Variants in BICD2 observed in about 807,000 individuals in gnomAD.
BICD2 encodes protein bicaudal D homolog 2.
In BICD2, 25 loss-of-function variants were observed where a neutral mutation model predicts 72.9. The observed-to-expected ratio is 0.34, with a 90% CI of 0.25 to 0.48. The LOEUF is 0.48. Among genes scored for constraint, BICD2 ranks in the 20% least tolerant of loss-of-function variants. The probability of loss-of-function intolerance (pLI) is 0.99; values close to 1 mark genes in which losing one functional copy is unlikely to be tolerated. For synonymous variants in BICD2, 501 were observed against 516.1 expected (o/e 0.97, Z 0.40); for missense variants, 894 against 1,175.2 (o/e 0.76, Z 3.50).
Position 92,714,657 on chromosome 9 carries a change from T to C in BICD2, c.*497A>G. On this transcript the variant is annotated 3_prime_UTR_variant, in exon 7 of 7. Transcript: ENST00000356884. Reference sequence around the variant, plus strand: ...ATAAACTACAACGTACTCCTTTCCATGAAACTATGCCAAGTGCAAAGCCAT... The same window carrying C: ...ATAAACTACAACGTACTCCTTTCCACGAAACTATGCCAAGTGCAAAGCCAT... 14 of 987,282 alleles carry C rather than the reference T, an allele frequency of 1.4e-5. No individual in the cohort carries two copies. Among genetic ancestry groups the C allele is most frequent in the Non-Finnish European group, 1.7e-5 (14 of 831,360 alleles). The allele number at this position is 987,282 out of a possible 1,614,324, so 61.2% of individuals were successfully genotyped here. A position where few individuals can be genotyped will look rare whatever the true frequency, so the allele number is the denominator to read the frequency against.
rs759392210 is a variant in BICD2 at position 92,714,673 on chromosome 9, G to A, written c.*481C>T. 251 of 988,538 alleles carry A rather than the reference G, an allele frequency of 2.5e-4. No homozygotes were observed. The highest frequency in any genetic ancestry group is 2.9e-4 in the Non-Finnish European group (239 of 832,416). The allele number at this position is 988,538 out of a possible 1,614,324, so 61.2% of individuals were successfully genotyped here. On this transcript the variant is annotated 3_prime_UTR_variant, in exon 7 of 7. Coordinates refer to ENST00000356884, the MANE Select transcript of BICD2 (RefSeq NM_001003800.2). ...TCCTTTCCATGAAACTATGCCAAGTGCAAAGCCATCCTCTGAGGTCGTACC... is the reference window on the plus strand; with the variant it reads ...TCCTTTCCATGAAACTATGCCAAGTACAAAGCCATCCTCTGAGGTCGTACC...
chr9:92,723,677 T>TA (rs1853509175), intron 2 of BICD2, among the ~76,000 whole-genome samples: 1 of 152,228 alleles, frequency 6.6e-6, no homozygotes. Flanking sequence ...GTACACCTTA[T>TA]GTGGGTGAAC....
intron 1 of BICD2, among the ~76,000 whole-genome samples, chr9:92,759,357 C>T (rs971877860): frequency 3.3e-5 from 5 of 152,242 alleles, no homozygotes; most frequent in African/African-American, 1.2e-4. Context: ...CCTATTGACA[C>T]TGTTCTCTCC....
intron 5 of BICD2, 82 bp downstream of exon 5, chr9:92,718,457 G>A: frequency 1.3e-6 from 2 of 1,504,074 alleles, no homozygotes; most frequent in East Asian, 2.3e-5. Flanking sequence ...GGGCCCCGTG[G>A]CAGGGGGAGG....
chr9:92,718,862 C>T lies in BICD2; in HGVS notation c.1783G>A (p.Ala595Thr). ...LLPKGLLAPE[A>T]GRADGGTGDS... ...CCCGTCCCACCATCTGCTCGGCCCG[C>T]CTCAGGAGCCAGCAGCCCCTTGGGT... Residue 595 changes from alanine (A) to threonine (T), a missense_variant, in exon 5 of 7, where the codon GCG (alanine) becomes ACG (threonine). Around this residue, in one of 5 missense-constraint regions of BICD2, gnomAD observed 321 missense variants for 443.9 expected, o/e 0.72. Coordinates refer to ENST00000356884, the MANE Select transcript of BICD2 (RefSeq NM_001003800.2). 6.2e-7 allele frequency: 1 copy of T among 1,604,084 alleles called. No homozygotes were observed. The highest frequency in any genetic ancestry group is 8.5e-7 in the Non-Finnish European group (1 of 1,176,052).
intron 2 of BICD2, among the ~76,000 whole-genome samples, chr9:92,724,702 G>A (rs1338012157): frequency 6.6e-6 from 1 of 152,204 alleles, no homozygotes; most frequent in Non-Finnish European, 1.5e-5. Flanking sequence ...GGGGTGGATA[G>A]GGAGTGGGCA....
chr9:92,760,867 G>A (rs878940590), intron 1 of BICD2, among the ~76,000 whole-genome samples: 2 of 152,232 alleles, frequency 1.3e-5, no homozygotes, highest in Admixed American at 6.5e-5. Context: ...GTTCTCAGGG[G>A]TTATCAGACG....
chr9:92,734,704 G>T (rs1488960648), intron 1 of BICD2, among the ~76,000 whole-genome samples: 5 of 152,090 alleles, frequency 3.3e-5, no homozygotes, highest in Non-Finnish European at 4.4e-5. Context: ...TGATTAAGGG[G>T]TCGCCAGCCG....
At position 92,753,674 on chromosome 9, in the gene BICD2, G is replaced by A. The variant is rs376245765; in HGVS notation, c.240+10831C>T. Among the ~76,000 whole-genome samples, 1,190 of 151,818 alleles carry A rather than the reference G, an allele frequency of 7.8e-3. 15 individuals are homozygous for A. The highest frequency in any genetic ancestry group is 0.027 in the African/African-American group (1,114 of 41,420). The stretch of plus-strand genomic sequence containing the variant: ...CTGCCTCAGCCTCCTGAGTAGCTGG[G>A]ACTACAGGCACCCGCCACCAAGGCC... On this transcript the variant is annotated intron_variant, in intron 1 of 6. Transcript: ENST00000356884.
intron 1 of BICD2, among the ~76,000 whole-genome samples, chr9:92,755,887 T>C (rs10821015): frequency 0.28 from 41,829 of 152,006 alleles, 6,868 homozygotes; most frequent in East Asian, 0.76. Context: ...GAGGGAGAAA[T>C]TGATCCACCT....
At chr9:92,730,202 C>T (rs1853653252) in intron 1 of BICD2, among the ~76,000 whole-genome samples, 1 of 152,214 alleles carries the variant, frequency 6.6e-6, no homozygotes, top group Non-Finnish European at 1.5e-5. Context: ...CTGGCCACTC[C>T]ACCACAGAGC....
chr9:92,749,022 G>A (rs1379395042), intron 1 of BICD2, among the ~76,000 whole-genome samples: 1 of 152,048 alleles, frequency 6.6e-6, no homozygotes, highest in African/African-American at 2.4e-5. Flanking sequence ...GCAGGAGGTG[G>A]AGTTGGTCCC....
intron 1 of BICD2, among the ~76,000 whole-genome samples, chr9:92,745,870 T>G (rs1854001142): frequency 6.6e-6 from 1 of 152,172 alleles, no homozygotes; most frequent in Non-Finnish European, 1.5e-5. Context: ...CAGTGCTCAA[T>G]TGTCTGACCA....
rs1853400617 is a variant in BICD2 at position 92,719,179 on chromosome 9, TCTAG to T, written c.1462_1465del (p.Leu488ArgfsTer18). The T allele has an allele frequency of 1.9e-6, 3 of 1,610,732 alleles. No individual in the cohort carries two copies. Among genetic ancestry groups the T allele is most frequent in the Non-Finnish European group, 2.5e-6 (3 of 1,179,974 alleles). ...CTCGCGGTCCTGGCGGCTGGCCTTCTCTAGCAGGGAGACCTTCTCCGTGAGTGCC... is the reference window on the plus strand; with the variant it reads ...CTCGCGGTCCTGGCGGCTGGCCTTCTCAGGGAGACCTTCTCCGTGAGTGCC... On this transcript the variant is annotated frameshift_variant, in exon 5 of 7. Coordinates refer to ENST00000356884, the MANE Select transcript of BICD2 (RefSeq NM_001003800.2). LOFTEE classifies it high-confidence loss of function.
chr9:92,749,408 G>T (rs527425091), intron 1 of BICD2, among the ~76,000 whole-genome samples: 2 of 152,146 alleles, frequency 1.3e-5, no homozygotes, highest in African/African-American at 4.8e-5. Context: ...TTGTGGATGC[G>T]GGGATCGCTA....
intron 1 of BICD2, among the ~76,000 whole-genome samples, chr9:92,734,762 T>C (rs1418494430): frequency 1.3e-5 from 2 of 152,120 alleles, no homozygotes; most frequent in Non-Finnish European, 2.9e-5. Flanking sequence ...GTGGGCCTCC[T>C]AGGCTGGTGC....
Position 92,762,081 on chromosome 9 carries a change from G to A in BICD2, c.240+2424C>T, listed in dbSNP as rs1854384078. On this transcript the variant is annotated intron_variant, in intron 1 of 6. Coordinates refer to ENST00000356884, the MANE Select transcript of BICD2 (RefSeq NM_001003800.2). ...ACGATCCTATTATCTACAAATGCAG[G>A]GCAGAAGTACAAGCAACTCCATTTG... Among the ~76,000 whole-genome samples, 2 of 152,200 alleles carry A rather than the reference G, an allele frequency of 1.3e-5. 1 individual carries two copies. The highest frequency in any genetic ancestry group is 4.1e-4 in the South Asian group (2 of 4,826).
chr9:92,741,801 G>A (rs1006049072), intron 1 of BICD2, among the ~76,000 whole-genome samples: 37 of 152,264 alleles, frequency 2.4e-4, no homozygotes, highest in African/African-American at 8.4e-4. Flanking sequence ...AGAAAAAAGC[G>A]TACTGCTAAA....
chr9:92,747,119 G>A (rs1403720838), intron 1 of BICD2, among the ~76,000 whole-genome samples: 2 of 152,266 alleles, frequency 1.3e-5, no homozygotes, highest in Non-Finnish European at 2.9e-5. Context: ...CCAAACTGGT[G>A]GCCCACCAAG....
Sources: allele counts gnomAD v4.1 joint callset (sites outside exome capture counted in the v4.1 genomes callset), GRCh38; gene constraint gnomAD v4.1.1; regional missense constraint gnomAD v4.1.1; transcripts MANE v1.5; gene names NCBI Gene and HGNC (gene_info 2026-07-23, HGNC 2026-07-21).